AHRR: variants seen among roughly 807,000 people sequenced by gnomAD.
AHRR encodes aryl hydrocarbon receptor repressor.
In AHRR, 28 loss-of-function variants were observed where a neutral mutation model predicts 44.0. The ratio of observed to expected loss-of-function variants is 0.64; its 90% CI spans 0.47 to 0.87. The LOEUF is 0.87. Ranked by LOEUF, AHRR falls within the 40% of genes least tolerant of loss-of-function variation. AHRR has a pLI of 0.00. For synonymous variants in AHRR, 434 were observed against 407.0 expected (o/e 1.07, Z -0.80); for missense variants, 990 against 953.9 (o/e 1.04, Z -0.50).
At position 422,936 on chromosome 5, in the gene AHRR, C is replaced by T. The variant is rs955274582; in HGVS notation, c.571+78C>T. ...CACATCGCTGCCTCTGGAAATGACCCTGTCGCACCTTCTTGGTGTGCTTTG... is the reference window on the plus strand; with the variant it reads ...CACATCGCTGCCTCTGGAAATGACCTTGTCGCACCTTCTTGGTGTGCTTTG... On this transcript the variant is annotated intron_variant, in intron 6 of 10. Transcript: ENST00000684583. The T allele has an allele frequency of 4.1e-5, 62 of 1,496,232 alleles. No individual in the cohort carries two copies. The African/African-American group carries it at 7.7e-4, about 19-fold the overall frequency. The allele number at this position is 1,496,232 out of a possible 1,614,324, so 92.7% of individuals were successfully genotyped here.
At chr5:376,562 C>CGCGGGGAAACA in intron 3 of AHRR, 48 bp from the exon 4 acceptor site, 3 of 195,698 alleles carry the variant, frequency 1.5e-5, no homozygotes, top group East Asian at 8.7e-5. Context: ...AGAAGAGTGG[C>CGCGGGGAAACA]CAGGCCAAGG....
At chr5:402,755 G>A (rs933091853) in intron 4 of AHRR, among the ~76,000 whole-genome samples, 13 of 152,050 alleles carry the variant, frequency 8.5e-5, no homozygotes, top group African/African-American at 2.9e-4. Flanking sequence ...GCTGAAACCA[G>A]AATCAGAGAC....
rs184639752 is a variant in AHRR at position 363,275 on chromosome 5, T to C, written c.244+9364T>C. On this transcript the variant is annotated intron_variant, in intron 3 of 10. Transcript: ENST00000684583. ...GCTGGCATGGCAGAGAGCTGGCACATGAGGCTGGCAGGAAATCCAGAGGGC... is the reference window on the plus strand; with the variant it reads ...GCTGGCATGGCAGAGAGCTGGCACACGAGGCTGGCAGGAAATCCAGAGGGC... Among the ~76,000 whole-genome samples the C allele has an allele frequency of 2.7e-3, 416 of 152,290 alleles. 4 individuals are homozygous for C. Among genetic ancestry groups the C allele is most frequent in the Admixed American group, 6.1e-3 (93 of 15,306 alleles).
At chr5:369,776 AT>A (rs1422274610) in intron 3 of AHRR, among the ~76,000 whole-genome samples, 1 of 152,208 alleles carries the variant, frequency 6.6e-6, no homozygotes, top group African/African-American at 2.4e-5. Context: ...TGCAAATACC[AT>A]TTGTGGCCAT....
At chr5:369,927 C>T (rs1743508236) in intron 3 of AHRR, among the ~76,000 whole-genome samples, 1 of 152,242 alleles carries the variant, frequency 6.6e-6, no homozygotes, top group African/African-American at 2.4e-5. Flanking sequence ...GGCTCTGGTC[C>T]CCTCATTTGA....
chr5:419,979 CG>C lies in AHRR; in HGVS notation c.442-2747del, dbSNP rs1735995554. ...CTTGTGGATCCCCTTTTCTGGCCAT[CG>C]GGATGTGGATGTGCATTTGTTAAAC... On this transcript the variant is annotated intron_variant, in intron 5 of 10. Coordinates refer to ENST00000684583, the MANE Select transcript of AHRR (RefSeq NM_001377236.1). The surrounding 1 kb of genome is among the most constrained non-coding windows in gnomAD (Gnocchi z 4.4). Among the ~76,000 whole-genome samples the C allele has an allele frequency of 2.6e-5, 4 of 152,162 alleles. No homozygotes were observed. The South Asian group carries it at 8.3e-4, about 32-fold the overall frequency.
At chr5:412,703 TTCTC>T (rs200015851) in intron 4 of AHRR, among the ~76,000 whole-genome samples, 2,696 of 144,072 alleles carry the variant, frequency 0.019, 84 homozygotes, top group African/African-American at 0.065. Flanking sequence ...TTCAACATTT[TTCTC>T]TCTCTCTCTT....
intron 3 of AHRR, among the ~76,000 whole-genome samples, chr5:359,780 T>C (rs1743110687): frequency 6.6e-6 from 1 of 152,112 alleles, no homozygotes; most frequent in South Asian, 2.1e-4. Flanking sequence ...GCACATCCGC[T>C]TCACCCCACC....
At chr5:349,470 C>T (rs2126384523) in intron 2 of AHRR, among the ~76,000 whole-genome samples, 1 of 151,962 alleles carries the variant, frequency 6.6e-6, no homozygotes, top group East Asian at 1.9e-4. Context: ...GTCCCAGCTA[C>T]TCGGGAGGCT....
chr5:425,024 C>G (rs907218579), intron 7 of AHRR, among the ~76,000 whole-genome samples: 1 of 152,234 alleles, frequency 6.6e-6, no homozygotes, highest in African/African-American at 2.4e-5. Flanking sequence ...CAATTCAATG[C>G]CACAAGGCCC....
At chr5:421,210 G>C in intron 5 of AHRR, 1 of 675,462 alleles carries the variant, frequency 1.5e-6, no homozygotes, top group Admixed American at 2.1e-5. Context: ...TGCGGACCCA[G>C]CGGCCTCCTC....
intron 4 of AHRR, among the ~76,000 whole-genome samples, chr5:396,109 C>T (rs1266806091): frequency 1.3e-5 from 2 of 152,156 alleles, no homozygotes; most frequent in Non-Finnish European, 2.9e-5. Flanking sequence ...GGCCTGCAGC[C>T]CAGGAGCGGG....
intron 3 of AHRR, among the ~76,000 whole-genome samples, chr5:356,383 C>A (rs1021551538): frequency 1.3e-5 from 2 of 152,232 alleles, no homozygotes; most frequent in African/African-American, 4.8e-5. Flanking sequence ...GTTGCTGAAG[C>A]CCAGTTGTGG....
rs779546329 is a variant in AHRR at position 434,117 on chromosome 5, C to T, written c.1377C>T (p.Ala459=). The change falls in exon 11 of 11, where the codon GCC becomes GCT. Residue 459 remains alanine, a synonymous_variant. Transcript: ENST00000684583. ...ACCCGCCGAGCCCGTCCCCCAGTGC[C>T]TACTCCAGCCGGACCAGCAGACCCA... is the stretch of plus-strand genomic sequence containing the variant. ...ISHPPSPSPS[A]YSSRTSRPMR... 6 of 1,612,882 alleles carry T rather than the reference C, an allele frequency of 3.7e-6. No individual in the cohort carries two copies. Among genetic ancestry groups the T allele is most frequent in the Non-Finnish European group, 5.1e-6 (6 of 1,179,894 alleles).
At chr5:366,907 C>G (rs1560893639) in intron 3 of AHRR, among the ~76,000 whole-genome samples, 1 of 152,206 alleles carries the variant, frequency 6.6e-6, no homozygotes, top group African/African-American at 2.4e-5. Context: ...CAAGGAGTTA[C>G]TGGAAGGGAT....
rs138904355 is a variant in AHRR, at chr5:360,513, C to T, written c.244+6602C>T. ...TTTTGAGGTGTGTGCTAGAAAGAGC[C>T]CTGATGGCTGTGAAGCAGTTGTTGG... is the stretch of plus-strand genomic sequence containing the variant. On this transcript the variant is annotated intron_variant, in intron 3 of 10. Transcript: ENST00000684583. Among the ~76,000 whole-genome samples the T allele has an allele frequency of 6.2e-4, 95 of 152,270 alleles. 1 individual carries two copies. The East Asian group carries it at 0.016, about 26-fold the overall frequency.
intron 2 of AHRR, among the ~76,000 whole-genome samples, chr5:345,390 G>GTGTC (rs1347927836): frequency 8.0e-6 from 1 of 125,638 alleles, no homozygotes; most frequent in African/African-American, 4.7e-5. Context: ...GGATGTGTGT[G>GTGTC]TGTGTCGGAT....
chr5:408,317 A>G (rs1280393154), intron 4 of AHRR, among the ~76,000 whole-genome samples: 1 of 151,814 alleles, frequency 6.6e-6, no homozygotes, highest in Non-Finnish European at 1.5e-5. Flanking sequence ...TGCCTTAGGA[A>G]TGAGGTGCAC....
chr5:427,666 G>T, intron 7 of AHRR, 141 bp from the exon 8 acceptor site: 1 of 1,613,276 alleles, frequency 6.2e-7, no homozygotes. Context: ...GGCAGCTGCG[G>T]CTCTGCTGTC....
Sources: gnomAD v4.1 joint callset for allele counts (sites outside exome capture counted in the v4.1 genomes callset) on GRCh38, gnomAD v4.1.1 for gene constraint, Gnocchi (gnomAD v3.1) non-coding constraint, MANE v1.5 for transcripts, NCBI Gene and HGNC (gene_info 2026-07-23, HGNC 2026-07-21) for gene names.